Variants in DPYD observed in about 807,000 individuals in gnomAD.
DPYD encodes the protein dihydropyrimidine dehydrogenase, also known as dihydropyrimidine dehydrogenase [NADP(+)].
A neutral mutation model predicts 116.2 loss-of-function variants in DPYD; 109 were observed. The observed-to-expected ratio is 0.94, with a 90% confidence interval of 0.80 to 1.10. The LOEUF (loss-of-function observed/expected upper bound fraction) is 1.10. DPYD is among the 50% of genes least tolerant of loss of function. The probability of loss-of-function intolerance (pLI) is 0.00; values close to 1 mark genes in which losing one functional copy is unlikely to be tolerated. For missense variants in DPYD, 1,302 were observed against 1,254.5 expected (o/e 1.04, Z -0.57); for synonymous variants, 440 against 432.0 (o/e 1.02, Z -0.23).
chr1:97,404,651 T>C (rs973412263), intron 14 of DPYD, among the ~76,000 whole-genome samples: 4 of 152,116 alleles, frequency 2.6e-5, no homozygotes, highest in Admixed American at 2.6e-4. Flanking sequence ...ATTTTCTTCA[T>C]CCATTTACTT....
At chr1:97,248,304 G>T (rs534500123) in intron 18 of DPYD, among the ~76,000 whole-genome samples, 2 of 152,118 alleles carry the variant, frequency 1.3e-5, no homozygotes, top group African/African-American at 4.8e-5. Context: ...TCTTTCCTGC[G>T]CTGTTCTTGT....
intron 11 of DPYD, among the ~76,000 whole-genome samples, chr1:97,554,545 T>C (rs756691454): frequency 2.0e-5 from 3 of 152,148 alleles, no homozygotes; most frequent in Middle Eastern, 6.8e-3. Context: ...CAAATCACAA[T>C]GAAACTAAAA....
At chr1:97,555,616 G>T (rs1177546547) in intron 11 of DPYD, among the ~76,000 whole-genome samples, 1 of 152,032 alleles carries the variant, frequency 6.6e-6, no homozygotes, top group African/African-American at 2.4e-5. Flanking sequence ...CCACTGTCAG[G>T]AGAAGGCCTT....
intron 11 of DPYD, among the ~76,000 whole-genome samples, chr1:97,551,297 T>C (rs1010987500): frequency 6.6e-6 from 1 of 152,180 alleles, no homozygotes; most frequent in Non-Finnish European, 1.5e-5. Context: ...AAGAGATCTT[T>C]ATCATTTGTT....
chr1:97,515,654 C>T (rs1648162638), intron 13 of DPYD, 72 bp downstream of exon 13: 5 of 1,353,096 alleles, frequency 3.7e-6, no homozygotes, highest in Non-Finnish European at 5.1e-6. Context: ...AAAAAAAATC[C>T]ATTATAATGT....
intron 14 of DPYD, among the ~76,000 whole-genome samples, chr1:97,405,748 C>T (rs1673620639): frequency 6.6e-6 from 1 of 152,136 alleles, no homozygotes; most frequent in South Asian, 2.1e-4. Context: ...AACTCTTGAC[C>T]TCAAGTGATC....
At chr1:97,477,644 C>T (rs1237818694) in intron 13 of DPYD, among the ~76,000 whole-genome samples, 2 of 140,832 alleles carry the variant, frequency 1.4e-5, no homozygotes, top group Admixed American at 7.2e-5. Context: ...GACGGAGTCT[C>T]GCTCTGTCGC....
At chr1:97,570,832 T>C (rs956122532) in intron 11 of DPYD, among the ~76,000 whole-genome samples, 1 of 151,880 alleles carries the variant, frequency 6.6e-6, no homozygotes, top group African/African-American at 2.4e-5. Context: ...TTAAAGCCCA[T>C]GCAATGACTC....
chr1:97,638,330 C>T (rs1657686097), intron 8 of DPYD, among the ~76,000 whole-genome samples: 1 of 152,080 alleles, frequency 6.6e-6, no homozygotes, highest in Non-Finnish European at 1.5e-5. Context: ...GAGAACTATG[C>T]CCTGGGAAGC....
chr1:97,185,968 A>G (rs1381586818), intron 20 of DPYD, among the ~76,000 whole-genome samples: 2 of 152,176 alleles, frequency 1.3e-5, no homozygotes, highest in Non-Finnish European at 2.9e-5. Context: ...TTTTCCTCCA[A>G]GTAATTTATA....
Position 97,674,011 on chromosome 1 carries a change from T to TTCGTGGGG in DPYD, c.850+5076_850+5083dup, listed in dbSNP as rs200435785. Among the ~76,000 whole-genome samples, 1,354 of 152,258 alleles carry TTCGTGGGG rather than the reference T, an allele frequency of 8.9e-3. 18 individuals carry two copies. Among genetic ancestry groups the TTCGTGGGG allele is most frequent in the Middle Eastern group, 0.031 (9 of 294 alleles). On this transcript the variant is annotated intron_variant, in intron 8 of 22. Coordinates refer to ENST00000370192, the MANE Select transcript of DPYD (RefSeq NM_000110.4). Reference sequence around the variant, plus strand: ...CAAATCAAGAAGAGCCTTGAAAACCTTCGTGGGGACTTTTCTTTATCTGGA... The same window carrying TTCGTGGGG: ...CAAATCAAGAAGAGCCTTGAAAACCTTCGTGGGGTCGTGGGGACTTTTCTTTATCTGGA...
intron 3 of DPYD, among the ~76,000 whole-genome samples, chr1:97,823,379 C>A (rs2101458827): frequency 6.6e-6 from 1 of 152,244 alleles, no homozygotes; most frequent in South Asian, 2.1e-4. Context: ...TAGTCTCCAT[C>A]TCCTGTGACA....
chr1:97,740,340 G>C, intron 4 of DPYD, 52 bp downstream of exon 4: 1 of 1,461,526 alleles, frequency 6.8e-7, no homozygotes, highest in Admixed American at 1.7e-5. Flanking sequence ...AGATAATAGA[G>C]AACAAGATCA....
intron 14 of DPYD, among the ~76,000 whole-genome samples, chr1:97,444,054 T>C (rs1317286799): frequency 6.6e-6 from 1 of 152,218 alleles, no homozygotes; most frequent in African/African-American, 2.4e-5. Flanking sequence ...CCACTGACAC[T>C]ATTTTCAATA....
rs145953864 is a variant in DPYD, at chr1:97,789,693, C to T, written c.233+38421G>A. 2.7e-3 allele frequency among the ~76,000 whole-genome samples: 415 copies of T among 152,218 alleles called. 2 individuals are homozygous for T. Among genetic ancestry groups the T allele is most frequent in the African/African-American group, 8.9e-3 (370 of 41,524 alleles). On this transcript the variant is annotated intron_variant, in intron 3 of 22. Transcript: ENST00000370192. Reference sequence around the variant, plus strand: ...CATGCTGGCCTAAGTTCCTTTGCTACTTCATAATTTTCTCAAAAGCAGTAT... The same window carrying T: ...CATGCTGGCCTAAGTTCCTTTGCTATTTCATAATTTTCTCAAAAGCAGTAT...
chr1:97,707,524 A>G (rs1458715593), intron 5 of DPYD, among the ~76,000 whole-genome samples: 1 of 141,470 alleles, frequency 7.1e-6, no homozygotes, highest in East Asian at 2.2e-4. Flanking sequence ...ATTCCCACCT[A>G]TGAGTGAGAA....
In DPYD at chr1:97,163,248, T is replaced by C. The variant is rs1018672553; in HGVS notation, c.2622+29821A>G. 3.9e-5 allele frequency among the ~76,000 whole-genome samples: 6 copies of C among 152,158 alleles called. 1 individual carries two copies. Among genetic ancestry groups the C allele is most frequent in the Admixed American group, 2.6e-4 (4 of 15,258 alleles). ...ACCTACTTATCTGACAAAGGGCTAA[T>C]ATCCAGAATCTACAATGAACTCCAA... On this transcript the variant is annotated intron_variant, in intron 20 of 22. Transcript: ENST00000370192.
chr1:97,861,293 GA>G (rs953913609), intron 2 of DPYD, among the ~76,000 whole-genome samples: 1 of 151,040 alleles, frequency 6.6e-6, no homozygotes, highest in African/African-American at 2.4e-5. Context: ...AACTCAGGAA[GA>G]AAAAAAGACT....
intron 16 of DPYD, among the ~76,000 whole-genome samples, chr1:97,369,082 AGAG>A (rs946885170): frequency 1.3e-5 from 2 of 152,212 alleles, no homozygotes; most frequent in Non-Finnish European, 2.9e-5. Context: ...GTAGGCTAAA[AGAG>A]GGTTAGTACT....
Sources: gnomAD v4.1 joint callset for allele counts (sites outside exome capture counted in the v4.1 genomes callset) on GRCh38, gnomAD v4.1.1 for gene constraint, MANE v1.5 for transcripts, NCBI Gene and HGNC (gene_info 2026-07-23, HGNC 2026-07-21) for gene names.